SEL1L2: variants seen among roughly 807,000 people sequenced by gnomAD.
The protein encoded by SEL1L2 is protein sel-1 homolog 2.
Under a neutral mutation model 98.8 loss-of-function variants are expected in SEL1L2, and 89 were observed. The observed-to-expected ratio is 0.90, with a 90% confidence interval of 0.76 to 1.07. SEL1L2 has a LOEUF of 1.07. Among genes scored for constraint, SEL1L2 ranks in the 50% least tolerant of loss-of-function variants. The probability of loss-of-function intolerance (pLI) is 0.00; values close to 1 mark genes in which losing one functional copy is unlikely to be tolerated. For synonymous variants in SEL1L2, 262 were observed against 278.5 expected (o/e 0.94, Z 0.59); for missense variants, 788 against 812.0 (o/e 0.97, Z 0.36).
At chr20:13,927,744 G>A (rs1028571792) in intron 3 of SEL1L2, among the ~76,000 whole-genome samples, 2 of 152,160 alleles carry the variant, frequency 1.3e-5, no homozygotes, top group Non-Finnish European at 2.9e-5. Context: ...AACTAAATGA[G>A]AATAGAGTTC....
At chr20:13,870,381 G>A (rs1372697863) in intron 12 of SEL1L2, among the ~76,000 whole-genome samples, 178 bp from the exon 13 acceptor site, 1 of 152,210 alleles carries the variant, frequency 6.6e-6, no homozygotes, top group African/African-American at 2.4e-5. Context: ...CTTCTGGCTA[G>A]AAAAGGGAAG....
At chr20:13,916,895 T>C (rs2148212090) in intron 4 of SEL1L2, among the ~76,000 whole-genome samples, 1 of 152,250 alleles carries the variant, frequency 6.6e-6, no homozygotes, top group East Asian at 1.9e-4. Context: ...TGAAACTGAA[T>C]GACACCCAGG....
chr20:13,940,285 G>A (rs1020225401), intron 2 of SEL1L2, among the ~76,000 whole-genome samples: 8 of 152,226 alleles, frequency 5.3e-5, no homozygotes, highest in African/African-American at 1.9e-4. Context: ...AGGTGACTTT[G>A]GAGCCAATAA....
intron 3 of SEL1L2, among the ~76,000 whole-genome samples, chr20:13,924,918 C>A (rs1209872562): frequency 2.6e-5 from 4 of 152,092 alleles, no homozygotes; most frequent in Admixed American, 1.3e-4. Flanking sequence ...GCGGGCAGAT[C>A]ACCTGAGATC....
At chr20:13,883,883 T>C (rs937479933) in intron 10 of SEL1L2, among the ~76,000 whole-genome samples, 1 of 152,234 alleles carries the variant, frequency 6.6e-6, no homozygotes, top group African/African-American at 2.4e-5. Context: ...ATGATTAACA[T>C]GAGAAACTCA....
At chr20:13,879,382 T>C (rs1162350254) in intron 10 of SEL1L2, among the ~76,000 whole-genome samples, 2 of 152,110 alleles carry the variant, frequency 1.3e-5, no homozygotes, top group Non-Finnish European at 2.9e-5. Flanking sequence ...GACAGAGTCT[T>C]GCTCTGTCAC....
chr20:13,901,131 C>A (rs866993240), intron 5 of SEL1L2, among the ~76,000 whole-genome samples: 1 of 141,696 alleles, frequency 7.1e-6, no homozygotes, highest in Non-Finnish European at 1.5e-5. Context: ...AGTGCAGTGG[C>A]GCGATCTCGG....
intron 12 of SEL1L2, among the ~76,000 whole-genome samples, chr20:13,872,998 T>C (rs1243741571): frequency 1.3e-5 from 2 of 151,542 alleles, no homozygotes; most frequent in African/African-American, 2.4e-5. Context: ...TTTTTCTTTT[T>C]TTTTTTTTTT....
At chr20:13,940,916 G>T (rs149592280) in intron 2 of SEL1L2, among the ~76,000 whole-genome samples, 1 of 152,202 alleles carries the variant, frequency 6.6e-6, no homozygotes, top group South Asian at 2.1e-4. Context: ...AAAAAGAGTG[G>T]GAGCAGGAAG....
At chr20:13,898,158 G>A (rs1427591980) in intron 5 of SEL1L2, among the ~76,000 whole-genome samples, 1 of 152,116 alleles carries the variant, frequency 6.6e-6, no homozygotes, top group East Asian at 1.9e-4. Context: ...ACATAAAGCA[G>A]ACTCTCAAAG....
At chr20:13,992,000 T>C (rs1165412359), upstream of SEL1L2, among the ~76,000 whole-genome samples, 1 of 151,832 alleles carries the variant, frequency 6.6e-6, no homozygotes, top group Admixed American at 6.6e-5. Context: ...AGAGTGAGAC[T>C]CCATCTCAAA....
chr20:13,969,616 T>C (rs200574322), intron 1 of SEL1L2, among the ~76,000 whole-genome samples: 2 of 152,212 alleles, frequency 1.3e-5, no homozygotes, highest in Non-Finnish European at 2.9e-5. Context: ...CCTGCTCTTA[T>C]TGAAGTGGTA....
At chr20:13,929,625 C>G (rs958719363) in intron 3 of SEL1L2, among the ~76,000 whole-genome samples, 1 of 150,770 alleles carries the variant, frequency 6.6e-6, no homozygotes, top group Non-Finnish European at 1.5e-5. Flanking sequence ...CTCAGCCTCC[C>G]GAGTAGCTTG....
chr20:13,910,719 TA>T (rs1389881523), intron 5 of SEL1L2, among the ~76,000 whole-genome samples: 1 of 152,186 alleles, frequency 6.6e-6, no homozygotes, highest in Non-Finnish European at 1.5e-5. Context: ...TGATTTTCCT[TA>T]AAACCAATAG....
intron 12 of SEL1L2, among the ~76,000 whole-genome samples, chr20:13,872,334 C>T (rs909262526): frequency 5.3e-5 from 8 of 152,072 alleles, no homozygotes; most frequent in African/African-American, 1.9e-4. Context: ...ATCATGGGGG[C>T]GGTTACCCCC....
chr20:13,931,619 C>T lies in SEL1L2; in HGVS notation c.267G>A (p.Lys89=). The change falls in exon 3 of 20, where the codon AAG becomes AAA. Residue 89 remains lysine, a synonymous_variant. Coordinates refer to ENST00000284951, the MANE Select transcript of SEL1L2 (RefSeq NM_025229.2). Reference sequence around the variant, plus strand: ...TCTACTTACAATGATTCTTATTTCTCTTCAAGATATCTTTATTTTGAATTC... The same window carrying T: ...TCTACTTACAATGATTCTTATTTCTTTTCAAGATATCTTTATTTTGAATTC... ...IKGIQNKDIL[K]RNKNHLQKQA... 1 of 1,404,700 alleles carries T rather than the reference C, an allele frequency of 7.1e-7. No homozygotes were observed. The highest frequency in any genetic ancestry group is 1.3e-5 in the South Asian group (1 of 76,314). 87.0% of individuals were successfully genotyped at this position (1,404,700 alleles called of 1,614,324 possible). A position where few individuals can be genotyped will look rare whatever the true frequency, so the allele number is the denominator to read the frequency against.
At chr20:13,995,158 C>G (rs1022302228), upstream of SEL1L2, 1 of 157,732 alleles carries the variant, frequency 6.3e-6, no homozygotes, top group Non-Finnish European at 1.4e-5. This position sits in a 1 kb window ranked among gnomAD's most constrained non-coding sequence, Gnocchi z 4.3. Flanking sequence ...CTTGGCGCAC[C>G]TGGCTCTACA....
chr20:13,904,867 T>C (rs1267822801), intron 5 of SEL1L2, among the ~76,000 whole-genome samples: 1 of 152,210 alleles, frequency 6.6e-6, no homozygotes, highest in Admixed American at 6.5e-5. Flanking sequence ...AAAATAAAGA[T>C]ACTGTTCTAT....
At chr20:13,917,623 G>A (rs76784753) in intron 4 of SEL1L2, among the ~76,000 whole-genome samples, 5,317 of 152,030 alleles carry the variant, frequency 0.035, 131 homozygotes, top group Non-Finnish European at 0.055. Flanking sequence ...CTTCTCAAAG[G>A]TTTGGGTTTT....
Sources: allele counts gnomAD v4.1 joint callset (sites outside exome capture counted in the v4.1 genomes callset), GRCh38; gene constraint gnomAD v4.1.1; non-coding constraint Gnocchi (gnomAD v3.1); transcripts MANE v1.5; gene names NCBI Gene and HGNC (gene_info 2026-07-23, HGNC 2026-07-21).